Variants in TENM3 observed in about 807,000 individuals in gnomAD.
The protein encoded by TENM3 is teneurin-3.
Under a neutral mutation model 255.1 loss-of-function variants are expected in TENM3, and 63 were observed. The ratio of observed to expected loss-of-function variants is 0.25; its 90% CI spans 0.20 to 0.30. TENM3 has a LOEUF of 0.30. Ranked by LOEUF, TENM3 falls within the 10% of genes least tolerant of loss-of-function variation. The pLI, the probability that TENM3 is intolerant of heterozygous loss-of-function variation, is 1.00. For missense variants in TENM3, 2,929 were observed against 3,461.1 expected, an observed-to-expected ratio of 0.85 and a Z score of 3.86; for synonymous variants, 1,306 against 1,322.3, an observed-to-expected ratio of 0.99 and a Z score of 0.27.
chr4:182,133,804 C>T, the TENM3 span, among the ~76,000 whole-genome samples: 2 of 152,232 alleles, frequency 1.3e-5, no homozygotes, highest in Admixed American at 1.3e-4. Context: ...CAGTTTTTTG[C>T]AACAACTTCT....
the TENM3 span, among the ~76,000 whole-genome samples, chr4:181,780,395 G>A: frequency 3.9e-5 from 6 of 152,176 alleles, no homozygotes; most frequent in Non-Finnish European, 8.8e-5. Context: ...CAGTGATGAT[G>A]AGCATTTTTT....
intron 3 of TENM3, among the ~76,000 whole-genome samples, chr4:182,375,130 A>G (rs1022822110): frequency 6.6e-6 from 1 of 152,168 alleles, no homozygotes; most frequent in African/African-American, 2.4e-5. Flanking sequence ...AACAAAGGGC[A>G]GTGAGCTGTC....
the TENM3 span, chr4:181,906,107 T>C: frequency 3.2e-6 from 1 of 310,406 alleles, no homozygotes; most frequent in Non-Finnish European, 6.5e-6. Flanking sequence ...AGGCACTGGA[T>C]AAAATGGCAG....
chr4:182,775,044 C>T lies in TENM3; in HGVS notation c.5195C>T (p.Ala1732Val). The change falls in exon 24 of 28, where the codon GCC becomes GTC. Residue 1732 changes from alanine to valine, a missense_variant. Ala to Val is a moderately conservative substitution (Grantham distance 64, BLOSUM62 0). Around this residue, in one of 6 missense-constraint regions of TENM3, gnomAD observed 303 missense variants for 425.2 expected, o/e 0.71. Transcript: ENST00000511685. ...GCTGGCACCGCTAATCCGACGGTTG[C>T]CAAAAGAAACATGACTTTGCCTGGC... ...VLAGTANPTV[A>V]KRNMTLPGEN... is the part of the protein sequence containing the mutation. 6.2e-7 allele frequency: 1 copy of T among 1,613,986 alleles called. No homozygotes were observed. Among genetic ancestry groups the T allele is most frequent in the Non-Finnish European group, 8.5e-7 (1 of 1,179,896 alleles).
At chr4:182,364,440 G>A (rs528554977) in intron 3 of TENM3, among the ~76,000 whole-genome samples, 36 of 151,596 alleles carry the variant, frequency 2.4e-4, no homozygotes, top group Non-Finnish European at 3.5e-4. Context: ...TTTTTGAGAC[G>A]GAGTCTCACT....
the TENM3 span, among the ~76,000 whole-genome samples, chr4:182,098,366 A>G: frequency 5.9e-5 from 9 of 152,242 alleles, no homozygotes; most frequent in African/African-American, 1.9e-4. Context: ...TCAGTATATC[A>G]TGGAGATATC....
chr4:182,350,367 A>C (rs1330274013), intron 3 of TENM3: 1 of 152,230 alleles, frequency 6.6e-6, no homozygotes, highest in Admixed American at 6.5e-5. Flanking sequence ...AAGCATTTTG[A>C]GGAAAAAAAT....
chr4:182,388,649 A>T (rs1366836532), intron 3 of TENM3, among the ~76,000 whole-genome samples: 1 of 152,230 alleles, frequency 6.6e-6, no homozygotes. Flanking sequence ...ACTGTTTTCA[A>T]TGTAATTCTT....
At chr4:181,514,184 A>G in the TENM3 span, among the ~76,000 whole-genome samples, 1 of 152,176 alleles carries the variant, frequency 6.6e-6, no homozygotes. Flanking sequence ...TTTGACTCTC[A>G]CCTATAACTC....
rs191658875 is a variant in TENM3, at chr4:182,553,479, T to C, written c.512-47445T>C. 6.7e-3 allele frequency among the ~76,000 whole-genome samples: 1,020 copies of C among 151,426 alleles called. 38 individuals carry two copies. The East Asian group carries it at 0.081, about 12-fold the overall frequency. On this transcript the variant is annotated intron_variant, in intron 3 of 27. Coordinates refer to ENST00000511685, the MANE Select transcript of TENM3 (RefSeq NM_001080477.4). ...CACCAACATGGCACATGTATACATATGTAACAAATCTGCACGTTGTGCACA... is the reference window on the plus strand; with the variant it reads ...CACCAACATGGCACATGTATACATACGTAACAAATCTGCACGTTGTGCACA...
At chr4:182,143,080 C>T (rs1749590522), upstream of TENM3, 1 of 166,778 alleles carries the variant, frequency 6.0e-6, no homozygotes, top group African/African-American at 2.4e-5. This position sits in a 1 kb window ranked among gnomAD's most constrained non-coding sequence, Gnocchi z 4.3. Flanking sequence ...GAGCAGCAAA[C>T]TTTTTTTTTC....
chr4:182,554,133 G>C lies in TENM3; in HGVS notation c.512-46791G>C, dbSNP rs550944651. Among the ~76,000 whole-genome samples the C allele has an allele frequency of 2.0e-5, 3 of 152,238 alleles. No homozygotes were observed. In the South Asian group the frequency reaches 6.2e-4, roughly 32 times the overall value. Reference sequence around the variant, plus strand: ...TAATAATTGCTTCTCCTCATGCTTAGAAACATTTTAAATATAACAAAGGCT... The same window carrying C: ...TAATAATTGCTTCTCCTCATGCTTACAAACATTTTAAATATAACAAAGGCT... On this transcript the variant is annotated intron_variant, in intron 3 of 27. Transcript: ENST00000511685.
chr4:182,090,630 C>T, the TENM3 span, among the ~76,000 whole-genome samples: 1 of 152,050 alleles, frequency 6.6e-6, no homozygotes, highest in Non-Finnish European at 1.5e-5. Flanking sequence ...TATACGTGTA[C>T]ATATATATAT....
At chr4:182,222,474 G>A (rs547623644) in intron 1 of TENM3, among the ~76,000 whole-genome samples, 52 of 152,250 alleles carry the variant, frequency 3.4e-4, no homozygotes, top group African/African-American at 1.2e-3. Flanking sequence ...TTAGCTTCTT[G>A]GTTTGTTCTT....
the TENM3 span, among the ~76,000 whole-genome samples, chr4:181,862,191 G>A: frequency 6.6e-6 from 1 of 151,896 alleles, no homozygotes; most frequent in Non-Finnish European, 1.5e-5. Context: ...AAAGGAGCAG[G>A]ATAATGTCTT....
intron 1 of TENM3, among the ~76,000 whole-genome samples, chr4:182,226,326 A>T (rs1055486981): frequency 2.6e-5 from 4 of 152,176 alleles, no homozygotes; most frequent in Non-Finnish European, 5.9e-5. Context: ...AGCAGACAGG[A>T]GTCCAAGGGC....
At chr4:182,254,335 T>C (rs75217395) in intron 1 of TENM3, among the ~76,000 whole-genome samples, 73 of 149,088 alleles carry the variant, frequency 4.9e-4, no homozygotes, top group African/African-American at 1.8e-3. Context: ...CTCTCTCTCT[T>C]TTTTTTTTTG....
At chr4:181,539,343 A>C in the TENM3 span, among the ~76,000 whole-genome samples, 27 of 152,384 alleles carry the variant, frequency 1.8e-4, 1 homozygote, top group South Asian at 3.7e-3. Flanking sequence ...ATATGGTTAA[A>C]ATATGAAACA....
At chr4:182,428,480 A>T (rs1165725264) in intron 3 of TENM3, among the ~76,000 whole-genome samples, 2 of 151,376 alleles carry the variant, frequency 1.3e-5, no homozygotes, top group African/African-American at 2.4e-5. Context: ...CAAAGATAGG[A>T]TCTGATCAAT....
Sources: allele counts gnomAD v4.1 joint callset (sites outside exome capture counted in the v4.1 genomes callset), GRCh38; gene constraint gnomAD v4.1.1; regional missense constraint gnomAD v4.1.1; non-coding constraint Gnocchi (gnomAD v3.1); transcripts MANE v1.5; gene names NCBI Gene and HGNC (gene_info 2026-07-23, HGNC 2026-07-21).